Variants in OR13A1 observed in about 807,000 individuals in gnomAD.
OR13A1 encodes the protein olfactory receptor 13A1.
A neutral mutation model predicts 7.5 loss-of-function variants in OR13A1; 10 were observed. That is an observed-to-expected ratio of 1.34 (90% CI 0.83 to 2.27). The LOEUF (loss-of-function observed/expected upper bound fraction) is 2.27. OR13A1 is among the 30% of genes most tolerant of loss of function. OR13A1 has a pLI of 0.00. For missense variants in OR13A1, 509 were observed against 419.1 expected (o/e 1.21, Z -1.87); for synonymous variants, 238 against 177.9 (o/e 1.34, Z -2.69).
intron 1 of OR13A1, among the ~76,000 whole-genome samples, chr10:45,314,976 T>C (rs1412115678): frequency 6.6e-6 from 1 of 152,134 alleles, no homozygotes; most frequent in Non-Finnish European, 1.5e-5. Context: ...TAAGGAAGAA[T>C]TAGAACCAAT....
chr10:45,309,187 C>G (rs140975100), intron 1 of OR13A1, among the ~76,000 whole-genome samples: 2 of 152,262 alleles, frequency 1.3e-5, no homozygotes, highest in African/African-American at 4.8e-5. Flanking sequence ...CTCAGGTGCT[C>G]AGAACGTGTC....
chr10:45,303,537 A>G lies in OR13A1; in HGVS notation c.886T>C (p.Tyr296His), dbSNP rs147846669. ...AGKSKLAGLL[Y>H]TVLSPTLNPL... Reference sequence around the variant, plus strand: ...TTGAGGGTAGGACTCAGCACAGTGTACAGCAGGCCAGCCAACTTGCTCTTC... The same window carrying G: ...TTGAGGGTAGGACTCAGCACAGTGTGCAGCAGGCCAGCCAACTTGCTCTTC... Residue 296 changes from tyrosine to histidine, a missense_variant, in exon 4 of 4, where the codon TAC becomes CAC. Physicochemically the swap from Tyr to His is moderately conservative, Grantham distance 83 (BLOSUM62 2). Coordinates refer to ENST00000553795, the MANE Select transcript of OR13A1 (RefSeq NM_001004297.3). 21 of 1,614,128 alleles carry G rather than the reference A, an allele frequency of 1.3e-5. No homozygotes were observed. The highest frequency in any genetic ancestry group is 1.7e-5 in the Non-Finnish European group (20 of 1,180,036).
At chr10:45,310,505 A>G (rs1182757196) in intron 1 of OR13A1, among the ~76,000 whole-genome samples, 1 of 152,268 alleles carries the variant, frequency 6.6e-6, no homozygotes, top group African/African-American at 2.4e-5. Flanking sequence ...TATTGTGCAC[A>G]TAACTTCTGC....
At chr10:45,311,833 A>C (rs1009129649) in intron 1 of OR13A1, among the ~76,000 whole-genome samples, 4 of 152,202 alleles carry the variant, frequency 2.6e-5, no homozygotes, top group Non-Finnish European at 5.9e-5. Flanking sequence ...CTAAGGTAAA[A>C]GTTGTAATAA....
chr10:45,310,519 T>C (rs1564535702), intron 1 of OR13A1, among the ~76,000 whole-genome samples: 2 of 152,216 alleles, frequency 1.3e-5, no homozygotes, highest in African/African-American at 2.4e-5. Context: ...CTTCTGCTCA[T>C]ATTTTACAGG....
chr10:45,304,579 ACACT>A, intron 3 of OR13A1, 145 bp from the exon 4 acceptor site: 1 of 659,290 alleles, frequency 1.5e-6, no homozygotes, highest in Non-Finnish European at 2.6e-6. Flanking sequence ...AAAGGCGTGA[ACACT>A]CAGTTTATAA....
chr10:45,303,377 G>A lies in OR13A1; in HGVS notation c.*59C>T. The A allele has an allele frequency of 6.7e-7, 1 of 1,502,066 alleles. No individual in the cohort carries two copies. The highest frequency in any genetic ancestry group is 2.2e-5 in the Admixed American group (1 of 45,820). The allele number at this position is 1,502,066 out of a possible 1,614,324, so 93.0% of individuals were successfully genotyped here. A position where few individuals can be genotyped will look rare whatever the true frequency, so the allele number is the denominator to read the frequency against. ...TATTTACCTCCCAGTCCAGAAACTTGCTCATCAGACTCCACTAAAACTGCA... is the reference window on the plus strand; with the variant it reads ...TATTTACCTCCCAGTCCAGAAACTTACTCATCAGACTCCACTAAAACTGCA... On this transcript the variant is annotated 3_prime_UTR_variant, in exon 4 of 4. Coordinates refer to ENST00000553795, the MANE Select transcript of OR13A1 (RefSeq NM_001004297.3).
chr10:45,304,188 A>C lies in OR13A1; in HGVS notation c.235T>G (p.Phe79Val), dbSNP rs1838278209. 1 of 1,614,134 alleles carries C rather than the reference A, an allele frequency of 6.2e-7. No homozygotes were observed. The highest frequency in any genetic ancestry group is 1.1e-5 in the South Asian group (1 of 91,090). Residue 79 changes from phenylalanine to valine, a missense_variant, in exon 4 of 4, where the codon TTT (phenylalanine) becomes GTT (valine). Physicochemically the swap from Phe to Val is conservative, Grantham distance 50. Coordinates refer to ENST00000553795, the MANE Select transcript of OR13A1 (RefSeq NM_001004297.3). ...FNPGLHAPMY[F>V]FLLNLATMDI... ...ATAGTAGCCAAGTTGAGTAAGAAAA[A>C]GTACATAGGAGCGTGGAGCCCAGGG...
intron 1 of OR13A1, among the ~76,000 whole-genome samples, chr10:45,312,586 TAAAG>T (rs1838464571): frequency 6.6e-6 from 1 of 151,670 alleles, no homozygotes. Flanking sequence ...AAAAAAATGT[TAAAG>T]AAAACCCAGA....
intron 1 of OR13A1, among the ~76,000 whole-genome samples, chr10:45,311,678 A>G (rs1214673684): frequency 6.6e-6 from 1 of 152,124 alleles, no homozygotes; most frequent in South Asian, 2.1e-4. Context: ...ACTGGGGCCT[A>G]CTTGAAGTTG....
chr10:45,315,245 C>T (rs773272239), intron 1 of OR13A1, among the ~76,000 whole-genome samples: 1 of 151,854 alleles, frequency 6.6e-6, no homozygotes, highest in Non-Finnish European at 1.5e-5. Context: ...ACCCAGGAGG[C>T]AAATGTTGCA....
chr10:45,311,066 T>G (rs898873521), intron 1 of OR13A1, among the ~76,000 whole-genome samples: 1 of 152,174 alleles, frequency 6.6e-6, no homozygotes, highest in Non-Finnish European at 1.5e-5. Flanking sequence ...GCTTGGAAAC[T>G]TGGAAAAACT....
At position 45,303,894 on chromosome 10, in the gene OR13A1, G is replaced by A. The variant is rs776358388; in HGVS notation, c.529C>T (p.His177Tyr). ...TCCAAGCGCAGCATCAGCCCCGTGTGGATGGCCGTGTTGACGGCGCAGAGC... is the reference window on the plus strand; with the variant it reads ...TCCAAGCGCAGCATCAGCCCCGTGTAGATGGCCGTGTTGACGGCGCAGAGC... Reference protein sequence around the residue: ...WLLCAVNTAIHTGLMLRLDFC... With the variant: ...WLLCAVNTAIYTGLMLRLDFC... The change falls in exon 4 of 4, where the codon CAC (histidine) becomes TAC (tyrosine). Residue 177 changes from histidine to tyrosine, a missense_variant. By Grantham distance (83) the His-to-Tyr change is moderately conservative (BLOSUM62 2). Transcript: ENST00000553795. The A allele has an allele frequency of 2.4e-5, 38 of 1,613,384 alleles. No homozygotes were observed. Among genetic ancestry groups the A allele is most frequent in the Non-Finnish European group, 3.1e-5 (37 of 1,180,040 alleles).
At chr10:45,310,530 CA>C (rs1187153894) in intron 1 of OR13A1, among the ~76,000 whole-genome samples, 1 of 151,990 alleles carries the variant, frequency 6.6e-6, no homozygotes, top group Non-Finnish European at 1.5e-5. Context: ...ATTTTACAGG[CA>C]AAAGTTTAGT....
At chr10:45,312,907 G>C (rs1838467999) in intron 1 of OR13A1, among the ~76,000 whole-genome samples, 1 of 152,076 alleles carries the variant, frequency 6.6e-6, no homozygotes, top group Admixed American at 6.6e-5. Flanking sequence ...ACCTGCTGTA[G>C]TATCTTGCAA....
intron 3 of OR13A1, among the ~76,000 whole-genome samples, chr10:45,306,921 T>A (rs1355438721): frequency 6.6e-6 from 1 of 152,178 alleles, no homozygotes; most frequent in Non-Finnish European, 1.5e-5. Flanking sequence ...TGAGTTTGAG[T>A]TGTGGATCTG....
Position 45,304,201 on chromosome 10 carries a change from G to A in OR13A1, c.222C>T (p.His74=), listed in dbSNP as rs755015873. Residue 74 remains histidine, a synonymous_variant, in exon 4 of 4, where the codon CAC becomes CAT. Transcript: ENST00000553795. ...TGAGTAAGAAAAAGTACATAGGAGC[G>A]TGGAGCCCAGGGTTGAACGTGATGG... ...TLAITFNPGL[H]APMYFFLLNL... 8.1e-6 allele frequency: 13 copies of A among 1,614,078 alleles called. No individual in the cohort carries two copies. Among genetic ancestry groups the A allele is most frequent in the Middle Eastern group, 1.6e-4 (1 of 6,084 alleles).
At chr10:45,312,899 C>T (rs1045748688) in intron 1 of OR13A1, among the ~76,000 whole-genome samples, 2 of 152,026 alleles carry the variant, frequency 1.3e-5, no homozygotes, top group African/African-American at 4.8e-5. Flanking sequence ...ACCACTGGAC[C>T]TGCTGTAGTA....
intron 1 of OR13A1, among the ~76,000 whole-genome samples, chr10:45,310,530 C>T (rs751900998): frequency 6.6e-6 from 1 of 151,990 alleles, no homozygotes; most frequent in Non-Finnish European, 1.5e-5. Flanking sequence ...ATTTTACAGG[C>T]AAAAGTTTAG....
Sources: gnomAD v4.1 joint callset for allele counts (sites outside exome capture counted in the v4.1 genomes callset) on GRCh38, gnomAD v4.1.1 for gene constraint, MANE v1.5 for transcripts, NCBI Gene and HGNC (gene_info 2026-07-23, HGNC 2026-07-21) for gene names.